PRKD1: variants seen among roughly 807,000 people sequenced by gnomAD.
The protein encoded by PRKD1 is protein kinase D1, also known as serine/threonine-protein kinase D1.
PRKD1 carries 63 observed loss-of-function variants against 95.9 expected under a neutral mutation model. The ratio of observed to expected loss-of-function variants is 0.66; its 90% CI spans 0.54 to 0.81. The LOEUF (loss-of-function observed/expected upper bound fraction) is 0.81, where lower values mean the gene tolerates loss of function less well. Among genes scored for constraint, PRKD1 ranks in the 30% least tolerant of loss-of-function variants. The probability of loss-of-function intolerance (pLI) is 0.00; values close to 1 mark genes in which losing one functional copy is unlikely to be tolerated. For synonymous variants in PRKD1, 425 were observed against 423.1 expected (o/e 1.00, Z -0.05); for missense variants, 1,048 against 1,165.3 (o/e 0.90, Z 1.47).
At chr14:29,690,130 GA>G (rs1333201805) in intron 2 of PRKD1, among the ~76,000 whole-genome samples, 3 of 149,240 alleles carry the variant, frequency 2.0e-5, no homozygotes, top group Non-Finnish European at 4.5e-5. Flanking sequence ...AAAGTTGAAG[GA>G]AAAAACAAAA....
At chr14:29,855,574 G>A (rs1892467437) in intron 1 of PRKD1, among the ~76,000 whole-genome samples, 1 of 152,182 alleles carries the variant, frequency 6.6e-6, no homozygotes, top group Non-Finnish European at 1.5e-5. Flanking sequence ...GACTTTGGGG[G>A]ACTGTTGGGA....
chr14:29,808,373 CTTTTTTTTTTTTTTTTTTTTTTTTTTT>C (rs34250184), intron 1 of PRKD1, among the ~76,000 whole-genome samples: 13 of 19,976 alleles, frequency 6.5e-4, no homozygotes, highest in Non-Finnish European at 1.1e-3. Context: ...TCAGGCTCTA[CTTTTTTTTTTTTTTTTTTTTTTTTTTT>C]TTTTTTTTTT....
In PRKD1 at chr14:29,577,354, C is replaced by G; in HGVS notation, c.2623G>C (p.Glu875Gln). The G allele has an allele frequency of 6.2e-7, 1 of 1,613,712 alleles. No homozygotes were observed. The highest frequency in any genetic ancestry group is 8.5e-7 in the Non-Finnish European group (1 of 1,179,750). ...DDLRWEKYAG[E>Q]QGLQYPTHLI... Reference sequence around the variant, plus strand: ...TGTGTGGGGTACTGCAGCCCCTGCTCGCCTGCATACTTCTCCCACCTCAGG... The same window carrying G: ...TGTGTGGGGTACTGCAGCCCCTGCTGGCCTGCATACTTCTCCCACCTCAGG... The change falls in exon 18 of 18, where the codon GAG becomes CAG. Residue 875 changes from glutamate to glutamine, a missense_variant. Around this residue, in one of 3 missense-constraint regions of PRKD1, gnomAD observed 739 missense variants for 861.9 expected, o/e 0.86. Coordinates refer to ENST00000331968, the MANE Select transcript of PRKD1 (RefSeq NM_002742.3).
At chr14:29,790,415 G>A (rs1199080633) in intron 1 of PRKD1, among the ~76,000 whole-genome samples, 1 of 152,060 alleles carries the variant, frequency 6.6e-6, no homozygotes, top group African/African-American at 2.4e-5. Context: ...AATACTGCCA[G>A]TTATTTAGTT....
At chr14:29,892,437 A>AT (rs1555354395) in intron 1 of PRKD1, among the ~76,000 whole-genome samples, 3 of 93,296 alleles carry the variant, frequency 3.2e-5, no homozygotes, top group African/African-American at 6.0e-5. Flanking sequence ...GGCCACCCAT[A>AT]CAAAAAAAAA....
chr14:29,842,519 A>G (rs898656561), intron 1 of PRKD1, among the ~76,000 whole-genome samples: 14 of 152,214 alleles, frequency 9.2e-5, no homozygotes, highest in Non-Finnish European at 1.8e-4. Flanking sequence ...CTCAAACATC[A>G]TTATGCAGTG....
At chr14:29,628,540 G>A (rs1160564551) in intron 11 of PRKD1, among the ~76,000 whole-genome samples, 1 of 152,164 alleles carries the variant, frequency 6.6e-6, no homozygotes, top group Non-Finnish European at 1.5e-5. Context: ...GTGCTAAAAT[G>A]AGAACCCGTA....
intron 2 of PRKD1, among the ~76,000 whole-genome samples, chr14:29,705,900 C>G (rs190342395): frequency 1.6e-3 from 246 of 151,706 alleles, no homozygotes; most frequent in African/African-American, 5.6e-3. Flanking sequence ...CTACTTTTGG[C>G]TATAATTAAT....
At chr14:29,861,771 G>A (rs1020329536) in intron 1 of PRKD1, among the ~76,000 whole-genome samples, 12 of 151,990 alleles carry the variant, frequency 7.9e-5, no homozygotes, top group Non-Finnish European at 1.6e-4. Flanking sequence ...TCCTGTCTCC[G>A]CCTCCAAAGT....
intron 1 of PRKD1, among the ~76,000 whole-genome samples, chr14:29,736,296 A>G (rs1014271860): frequency 5.3e-5 from 8 of 152,238 alleles, no homozygotes; most frequent in Admixed American, 1.3e-4. Flanking sequence ...TGAACATAAC[A>G]TTCTGCCTAA....
intron 13 of PRKD1, among the ~76,000 whole-genome samples, chr14:29,618,197 T>C (rs904877483): frequency 1.3e-5 from 2 of 152,058 alleles, no homozygotes; most frequent in Non-Finnish European, 2.9e-5. Context: ...TAACAGAAAA[T>C]TCAAAAACAA....
chr14:29,862,155 T>C (rs1210463330), intron 1 of PRKD1, among the ~76,000 whole-genome samples: 1 of 152,220 alleles, frequency 6.6e-6, no homozygotes, highest in Non-Finnish European at 1.5e-5. Flanking sequence ...GCCTGTTTTA[T>C]TTCACTTAAC....
chr14:29,906,708 C>T (rs1285296787), intron 1 of PRKD1, among the ~76,000 whole-genome samples: 23 of 152,220 alleles, frequency 1.5e-4, no homozygotes, highest in Admixed American at 1.5e-3. Flanking sequence ...CTAAAAAGTT[C>T]TTGGCTGGAG....
chr14:29,641,117 C>A lies in PRKD1; in HGVS notation c.697-2213G>T, dbSNP rs1265937908. ...AGTTTAGGAAAAAGAAATTAGCTGT[C>A]ACTCTGTAGCCCAGAGACTATACCA... On this transcript the variant is annotated intron_variant, in intron 4 of 17. Coordinates refer to ENST00000331968, the MANE Select transcript of PRKD1 (RefSeq NM_002742.3). Among the ~76,000 whole-genome samples the A allele has an allele frequency of 2.6e-5, 4 of 152,298 alleles. No homozygotes were observed. The East Asian group carries it at 5.8e-4, about 22-fold the overall frequency.
chr14:29,757,026 A>G (rs1887733842), intron 1 of PRKD1, among the ~76,000 whole-genome samples: 1 of 152,190 alleles, frequency 6.6e-6, no homozygotes, highest in Non-Finnish European at 1.5e-5. Flanking sequence ...AGTAAATATC[A>G]TTTATTTGTA....
At chr14:29,583,714 A>T (rs1242742159) in intron 16 of PRKD1, among the ~76,000 whole-genome samples, 2 of 152,120 alleles carry the variant, frequency 1.3e-5, no homozygotes, top group Middle Eastern at 3.2e-3. Flanking sequence ...AAAAATTTTA[A>T]ACAATTGTAT....
intron 1 of PRKD1, among the ~76,000 whole-genome samples, chr14:29,781,453 A>G (rs1566597861): frequency 6.6e-6 from 1 of 152,152 alleles, no homozygotes; most frequent in African/African-American, 2.4e-5. Context: ...TCATGCCATC[A>G]GTTCAGCTAC....
At chr14:29,725,460 T>C in intron 2 of PRKD1, 76 bp downstream of exon 2, 1 of 1,521,700 alleles carries the variant, frequency 6.6e-7, no homozygotes, top group Admixed American at 1.9e-5. Context: ...TATGTTTCCT[T>C]AAAAACATAT....
At chr14:29,829,911 C>G (rs1891337799) in intron 1 of PRKD1, among the ~76,000 whole-genome samples, 1 of 152,160 alleles carries the variant, frequency 6.6e-6, no homozygotes, top group Admixed American at 6.5e-5. Flanking sequence ...TCTACGCTGA[C>G]AGATTTCATA....
Sources: gnomAD v4.1 joint callset for allele counts (sites outside exome capture counted in the v4.1 genomes callset) on GRCh38, gnomAD v4.1.1 for gene constraint, gnomAD v4.1.1 regional missense constraint, MANE v1.5 for transcripts, NCBI Gene and HGNC (gene_info 2026-07-23, HGNC 2026-07-21) for gene names.